The following PLCL2 variants were observed in gnomAD, a reference collection of about 807,000 sequenced individuals.
The protein encoded by PLCL2 is phospholipase C like 2.
PLCL2 carries 4 observed loss-of-function variants against 79.6 expected under a neutral mutation model. The ratio of observed to expected loss-of-function variants is 0.05; its 90% CI spans 0.02 to 0.11. PLCL2 has a LOEUF of 0.11. PLCL2 is among the 10% of genes least tolerant of loss of function. The probability of loss-of-function intolerance (pLI) is 1.00; values close to 1 mark genes in which losing one functional copy is unlikely to be tolerated. For synonymous variants in PLCL2, 484 were observed against 457.7 expected, an observed-to-expected ratio of 1.06 and a Z score of -0.73; for missense variants, 895 against 1,291.0, an observed-to-expected ratio of 0.69 and a Z score of 4.70.
chr3:16,945,257 CACACAT>C (rs541917955), intron 1 of PLCL2, among the ~76,000 whole-genome samples: 3,129 of 151,796 alleles, frequency 0.021, 49 homozygotes, highest in South Asian at 0.042. Context: ...CACACACACA[CACACAT>C]ACACACACAT....
chr3:17,024,818 C>A (rs2064496880), intron 3 of PLCL2, among the ~76,000 whole-genome samples: 1 of 152,156 alleles, frequency 6.6e-6, no homozygotes, highest in South Asian at 2.1e-4. Context: ...CCAGAGGAGA[C>A]CCATGTTGCT....
intron 1 of PLCL2, among the ~76,000 whole-genome samples, chr3:16,905,216 G>A (rs1258290138): frequency 1.3e-5 from 2 of 152,176 alleles, no homozygotes; most frequent in Non-Finnish European, 2.9e-5. Flanking sequence ...TGGGCACAGC[G>A]AGTGATGCAA....
chr3:17,077,524 G>A (rs2124950974), intron 5 of PLCL2, among the ~76,000 whole-genome samples: 1 of 152,254 alleles, frequency 6.6e-6, no homozygotes. Flanking sequence ...AATGTAGAAT[G>A]GAAATTCTGT....
At chr3:16,900,260 A>G (rs570940672) in intron 1 of PLCL2, among the ~76,000 whole-genome samples, 2 of 152,218 alleles carry the variant, frequency 1.3e-5, no homozygotes, top group African/African-American at 4.8e-5. Flanking sequence ...TCAGGGCAAT[A>G]AGATTAATTT....
At chr3:17,028,819 A>G (rs2064546175) in intron 3 of PLCL2, among the ~76,000 whole-genome samples, 1 of 152,062 alleles carries the variant, frequency 6.6e-6, no homozygotes, top group Non-Finnish European at 1.5e-5. Flanking sequence ...AACAGGGCCC[A>G]TGTGTCCTAT....
intron 4 of PLCL2, among the ~76,000 whole-genome samples, chr3:17,055,733 G>T (rs1209824729): frequency 6.6e-6 from 1 of 152,284 alleles, no homozygotes; most frequent in African/African-American, 2.4e-5. Flanking sequence ...GCACATTCAG[G>T]TTTTGAGAAC....
chr3:16,992,019 A>G (rs1458653366), intron 1 of PLCL2, among the ~76,000 whole-genome samples: 1 of 152,228 alleles, frequency 6.6e-6, no homozygotes, highest in Non-Finnish European at 1.5e-5. Flanking sequence ...AGCCCTGCAA[A>G]GAATTTCTGA....
At position 16,886,319 on chromosome 3, in the gene PLCL2, G is replaced by A. The variant is rs779046486; in HGVS notation, c.327+953G>A. Among the ~76,000 whole-genome samples the A allele has an allele frequency of 3.3e-5, 5 of 152,198 alleles. No individual in the cohort carries two copies. The highest frequency in any genetic ancestry group is 7.3e-5 in the Non-Finnish European group (5 of 68,036). On this transcript the variant is annotated intron_variant, in intron 1 of 5. Transcript: ENST00000615277. This position sits in a 1 kb window ranked among gnomAD's most constrained non-coding sequence, Gnocchi z 4.2. ...GAAAACATTGCTTTCTGAAAATCAA[G>A]GAGTTATCAGGACAGGGAGCAGCAA...
intron 3 of PLCL2, among the ~76,000 whole-genome samples, chr3:17,035,610 A>G (rs1022245222): frequency 1.3e-5 from 2 of 151,784 alleles, no homozygotes; most frequent in Non-Finnish European, 2.9e-5. Context: ...CTTCCTTCAC[A>G]CTGATGCTTG....
intron 3 of PLCL2, among the ~76,000 whole-genome samples, chr3:17,019,670 A>G (rs1444791889): frequency 6.6e-6 from 1 of 152,204 alleles, no homozygotes; most frequent in Non-Finnish European, 1.5e-5. Context: ...GCATTTTCAC[A>G]TATATTAAAA....
At chr3:16,959,819 A>C (rs2063739106) in intron 1 of PLCL2, among the ~76,000 whole-genome samples, 2 of 152,338 alleles carry the variant, frequency 1.3e-5, no homozygotes, top group Middle Eastern at 3.4e-3. Flanking sequence ...AGGTGTAAGA[A>C]GGTCCACCGG....
At chr3:16,919,672 A>G (rs868247629) in intron 1 of PLCL2, among the ~76,000 whole-genome samples, 1 of 152,112 alleles carries the variant, frequency 6.6e-6, no homozygotes, top group South Asian at 2.1e-4. Flanking sequence ...TGAATTCTGC[A>G]GCCTATATAG....
At chr3:17,052,789 A>G (rs2064855490) in intron 4 of PLCL2, among the ~76,000 whole-genome samples, 1 of 152,130 alleles carries the variant, frequency 6.6e-6, no homozygotes, top group Non-Finnish European at 1.5e-5. Context: ...CACGTGATAA[A>G]TAGTAAATAC....
intron 4 of PLCL2, among the ~76,000 whole-genome samples, chr3:17,051,498 C>G (rs1269552870): frequency 2.6e-5 from 4 of 151,628 alleles, no homozygotes; most frequent in Admixed American, 2.6e-4. Context: ...AGGATATCTG[C>G]CTGAACAGGT....
intron 1 of PLCL2, among the ~76,000 whole-genome samples, chr3:17,001,366 G>A (rs2064209360): frequency 6.6e-6 from 1 of 151,870 alleles, no homozygotes; most frequent in South Asian, 2.1e-4. Context: ...TTTTACAAAT[G>A]TAATCCCATT....
At chr3:16,954,513 A>G (rs1460917704) in intron 1 of PLCL2, among the ~76,000 whole-genome samples, 1 of 152,162 alleles carries the variant, frequency 6.6e-6, no homozygotes, top group African/African-American at 2.4e-5. Flanking sequence ...TTATAGCAGC[A>G]TGATTTATAA....
chr3:16,915,415 G>T (rs921351622), intron 1 of PLCL2, among the ~76,000 whole-genome samples: 47 of 152,086 alleles, frequency 3.1e-4, no homozygotes, highest in African/African-American at 1.1e-3. Flanking sequence ...GAAAAAGCTG[G>T]CATATATTTA....
At chr3:17,023,280 G>A (rs2064476188) in intron 3 of PLCL2, among the ~76,000 whole-genome samples, 1 of 152,108 alleles carries the variant, frequency 6.6e-6, no homozygotes, top group African/African-American at 2.4e-5. Context: ...TTTGTATTTG[G>A]AAGGAAGTCT....
rs562623792 is a variant in PLCL2 at position 16,886,438 on chromosome 3, T to A, written c.327+1072T>A. 4.0e-4 allele frequency among the ~76,000 whole-genome samples: 61 copies of A among 152,330 alleles called. 2 individuals carry two copies. The South Asian group carries it at 9.7e-3, about 24-fold the overall frequency. ...GTAAAGAGAGTTGGCAGTGGTGGTA[T>A]CTGAAATTTTATTGGACCTACAGAA... On this transcript the variant is annotated intron_variant, in intron 1 of 5. Transcript: ENST00000615277. The surrounding 1 kb of genome is among the most constrained non-coding windows in gnomAD (Gnocchi z 4.2).
Sources: allele counts gnomAD v4.1 joint callset (sites outside exome capture counted in the v4.1 genomes callset), GRCh38; gene constraint gnomAD v4.1.1; non-coding constraint Gnocchi (gnomAD v3.1); transcripts MANE v1.5; gene names NCBI Gene and HGNC (gene_info 2026-07-23, HGNC 2026-07-21).